Variants in ANKRD18A observed in about 807,000 individuals in gnomAD.
The protein encoded by ANKRD18A is ankyrin repeat domain 18A.
Under a neutral mutation model 110.6 loss-of-function variants are expected in ANKRD18A, and 72 were observed. The ratio of observed to expected loss-of-function variants is 0.65; its 90% CI spans 0.54 to 0.79. The LOEUF is 0.79. Ranked by LOEUF, ANKRD18A falls within the 30% of genes least tolerant of loss-of-function variation. ANKRD18A has a pLI of 0.00. For missense variants in ANKRD18A, 934 were observed against 1,163.3 expected, an observed-to-expected ratio of 0.80 and a Z score of 2.87; for synonymous variants, 305 against 410.3, an observed-to-expected ratio of 0.74 and a Z score of 3.10.
chr9:38,601,003 T>C (rs907535733), intron 8 of ANKRD18A, 128 bp downstream of exon 8: 3 of 815,300 alleles, frequency 3.7e-6, no homozygotes, highest in Admixed American at 6.2e-5. Context: ...AAATTCAATA[T>C]GAAATTATGC....
intron 7 of ANKRD18A, 49 bp from the exon 8 acceptor site, chr9:38,601,253 T>G: frequency 6.7e-7 from 1 of 1,489,006 alleles, no homozygotes; most frequent in Non-Finnish European, 9.1e-7. Flanking sequence ...AAGACTATAA[T>G]CTTTATAAAA....
chr9:38,610,368 G>A lies in ANKRD18A; in HGVS notation c.645C>T (p.Ile215=), dbSNP rs377112891. 4.3e-5 allele frequency: 67 copies of A among 1,550,480 alleles called. No individual in the cohort carries two copies. In the African/African-American group the frequency reaches 7.4e-4, roughly 17 times the overall value. The change falls in exon 5 of 16, where the codon ATC becomes ATT. Residue 215 remains isoleucine, a synonymous_variant. Coordinates refer to ENST00000399703, the MANE Select transcript of ANKRD18A (RefSeq NM_147195.4). ...ILAVQHNLSS[I]VTLLLQQNIR... ...TATTTTGTTGAAGCAGGAGGGTGACGATACTTGACAAGTTATGCTGTACTG... is the reference window on the plus strand; with the variant it reads ...TATTTTGTTGAAGCAGGAGGGTGACAATACTTGACAAGTTATGCTGTACTG...
chr9:38,611,338 A>C lies in ANKRD18A; in HGVS notation c.496-17T>G, dbSNP rs1825612768. ...GTTTCCCTCCTGTAAGAAAGCAAAA[A>C]CAATTTATAATTCACAAAATTACAT... On this transcript the variant is annotated splice_polypyrimidine_tract_variant and intron_variant, in intron 3 of 15. Transcript: ENST00000399703. 2.7e-6 allele frequency: 4 copies of C among 1,509,328 alleles called. No individual in the cohort carries two copies. Among genetic ancestry groups the C allele is most frequent in the Non-Finnish European group, 3.5e-6 (4 of 1,132,864 alleles). The allele number at this position is 1,509,328 out of a possible 1,614,324, so 93.5% of individuals were successfully genotyped here. A position where few individuals can be genotyped will look rare whatever the true frequency, so the allele number is the denominator to read the frequency against.
At chr9:38,572,152 A>G in intron 15 of ANKRD18A, 93 bp from the exon 16 acceptor site, 1 of 932,314 alleles carries the variant, frequency 1.1e-6, no homozygotes, top group Non-Finnish European at 1.6e-6. Context: ...ACGTTATCAG[A>G]GTTAATAAGA....
At chr9:38,569,106 C>T (rs2118591000), downstream of ANKRD18A, 1 of 985,340 alleles carries the variant, frequency 1.0e-6, no homozygotes. Context: ...CAAGGGGGGT[C>T]AGATGCAGGA....
rs760343488 is a variant in ANKRD18A at position 38,588,509 on chromosome 9, A to C, written c.2117+42T>G. On this transcript the variant is annotated intron_variant, in intron 11 of 15. Coordinates refer to ENST00000399703, the MANE Select transcript of ANKRD18A (RefSeq NM_147195.4). ...GTCAAGTAAAGTTAGAGTTAAATCA[A>C]TTACTAAATGGTTAAAATGTTCTAC... 1.7e-5 allele frequency: 20 copies of C among 1,197,422 alleles called. 1 individual carries two copies. In the South Asian group the frequency reaches 5.4e-4, roughly 32 times the overall value. 74.2% of individuals were successfully genotyped at this position (1,197,422 alleles called of 1,614,324 possible).
chr9:38,620,310 C>G lies in ANKRD18A; in HGVS notation c.-25G>C, dbSNP rs1274049579. The G allele has an allele frequency of 1.3e-6, 2 of 1,546,396 alleles. No individual in the cohort carries two copies. Among genetic ancestry groups the G allele is most frequent in the East Asian group, 4.9e-5 (2 of 40,746 alleles). The stretch of plus-strand genomic sequence containing the variant: ...TGGTGGCGACTTCTCAGACGCCCAC[C>G]ACCCGCTCCTGAGCCGCGGCGGCTC... On this transcript the variant is annotated 5_prime_UTR_variant, in exon 1 of 16. Transcript: ENST00000399703.
At position 38,575,545 on chromosome 9, in the gene ANKRD18A, G is replaced by C. The variant is rs1380135000; in HGVS notation, c.2895C>G (p.Pro965=). The change falls in exon 15 of 16, where the codon CCC becomes CCG. Residue 965 remains proline (P), a synonymous_variant. Coordinates refer to ENST00000399703, the MANE Select transcript of ANKRD18A (RefSeq NM_147195.4). ...AAGTAGGAATTCTTATGGCCGTTTT[G>C]GGAATATATTTTCTGTTGAGTTCTA... ...NSIELNRKYI[P]KTAIRIPTSN... 6.4e-7 allele frequency: 1 copy of C among 1,551,452 alleles called. No homozygotes were observed. The highest frequency in any genetic ancestry group is 2.4e-5 in the East Asian group (1 of 40,882).
downstream of ANKRD18A, chr9:38,566,440 G>A (rs1251027523): frequency 6.6e-6 from 1 of 152,102 alleles, no homozygotes; most frequent in Admixed American, 6.5e-5. Context: ...CCTCAGCCTG[G>A]CCTTCACTGT....
At position 38,595,476 on chromosome 9, in the gene ANKRD18A, T is replaced by A. The variant is rs1222523702; in HGVS notation, c.1854+10A>T. On this transcript the variant is annotated intron_variant, in intron 9 of 15. Coordinates refer to ENST00000399703, the MANE Select transcript of ANKRD18A (RefSeq NM_147195.4). ...TCTTTCCAGAAGTTTATAGTTTTCT[T>A]CATACTTACTTCTCTTTCTGCTTTT... 1.4e-6 allele frequency: 2 copies of A among 1,456,932 alleles called. No individual in the cohort carries two copies. Among genetic ancestry groups the A allele is most frequent in the African/African-American group, 2.9e-5 (2 of 69,496 alleles). The allele number at this position is 1,456,932 out of a possible 1,614,324, so 90.3% of individuals were successfully genotyped here. A position where few individuals can be genotyped will look rare whatever the true frequency, so the allele number is the denominator to read the frequency against.
chr9:38,578,419 G>T (rs1824007230), intron 12 of ANKRD18A, among the ~76,000 whole-genome samples: 1 of 151,958 alleles, frequency 6.6e-6, no homozygotes, highest in African/African-American at 2.4e-5. Context: ...ATTCATTTTT[G>T]TTCCTCCTTA....
At chr9:38,589,045 C>T in intron 10 of ANKRD18A, among the ~76,000 whole-genome samples, 1 of 152,196 alleles carries the variant, frequency 6.6e-6, no homozygotes, top group East Asian at 1.9e-4. Context: ...TTACATCTTA[C>T]TAAGATGATT....
downstream of ANKRD18A, chr9:38,566,492 T>C (rs981017170): frequency 3.9e-5 from 6 of 152,186 alleles, no homozygotes; most frequent in Non-Finnish European, 7.3e-5. Flanking sequence ...ATTTAACCAG[T>C]CTCTAAGATG....
Position 38,596,306 on chromosome 9 carries a change from T to G in ANKRD18A, c.1034A>C (p.Lys345Thr). The change falls in exon 9 of 16, where the codon AAA becomes ACA. Residue 345 changes from lysine to threonine, a missense_variant. By Grantham distance (78) the Lys-to-Thr change is moderately conservative. Around this residue, in one of 4 missense-constraint regions of ANKRD18A, gnomAD observed 630 missense variants for 797.5 expected, o/e 0.79. Transcript: ENST00000399703. ...CTTTTCCTTTCTGAGACTGTCATTT[T>G]TTATTGCATATAATTCCTCTTTGAG... ...AMLKEELYAI[K>T]NDSLRKEKKY... 6.5e-7 allele frequency: 1 copy of G among 1,535,276 alleles called. No individual in the cohort carries two copies. Among genetic ancestry groups the G allele is most frequent in the Non-Finnish European group, 8.8e-7 (1 of 1,142,586 alleles).
chr9:38,620,378 T>TCC lies in ANKRD18A; in HGVS notation c.-95_-94dup, dbSNP rs1826042965. Reference sequence around the variant, plus strand: ...CCCACTCCGCCCCAAATCCGCGATCTCCCCCGCAACCCGCGATCCCCCCCG... The same window carrying TCC: ...CCCACTCCGCCCCAAATCCGCGATCTCCCCCCCGCAACCCGCGATCCCCCCCG... On this transcript the variant is annotated 5_prime_UTR_variant, in exon 1 of 16. Transcript: ENST00000399703. 4.1e-6 allele frequency: 3 copies of TCC among 729,136 alleles called. No individual in the cohort carries two copies. In the African/African-American group the frequency reaches 6.3e-5, roughly 15 times the overall value. The allele number at this position is 729,136 out of a possible 1,614,324, so 45.2% of individuals were successfully genotyped here.
At chr9:38,600,503 C>A (rs1428478237) in intron 8 of ANKRD18A, among the ~76,000 whole-genome samples, 1 of 152,160 alleles carries the variant, frequency 6.6e-6, no homozygotes, top group African/African-American at 2.4e-5. Flanking sequence ...CTAGTGACAG[C>A]GCTTTACAAA....
chr9:38,573,479 G>A (rs1013352194), intron 15 of ANKRD18A, among the ~76,000 whole-genome samples: 1 of 152,190 alleles, frequency 6.6e-6, no homozygotes, highest in Non-Finnish European at 1.5e-5. Flanking sequence ...CACTTTGGGA[G>A]GCAAATGTGG....
intron 4 of ANKRD18A, 91 bp from the exon 5 acceptor site, chr9:38,610,501 C>T: frequency 6.9e-7 from 1 of 1,459,442 alleles, no homozygotes; most frequent in East Asian, 2.5e-5. Context: ...TCATATCTTG[C>T]CTGTCAGGAT....
intron 14 of ANKRD18A, among the ~76,000 whole-genome samples, chr9:38,576,473 C>T (rs189632866): frequency 6.6e-6 from 1 of 152,288 alleles, no homozygotes; most frequent in African/African-American, 2.4e-5. Context: ...TGTGGATTAC[C>T]CTTCTTTTCA....
Sources: gnomAD v4.1 joint callset for allele counts (sites outside exome capture counted in the v4.1 genomes callset) on GRCh38, gnomAD v4.1.1 for gene constraint, gnomAD v4.1.1 regional missense constraint, MANE v1.5 for transcripts, NCBI Gene and HGNC (gene_info 2026-07-23, HGNC 2026-07-21) for gene names.